SCAP: variants seen among roughly 807,000 people sequenced by gnomAD.
SCAP encodes the protein sterol regulatory element-binding protein cleavage-activating protein.
SCAP carries 65 observed loss-of-function variants against 123.6 expected under a neutral mutation model. That is an observed-to-expected ratio of 0.53 (90% CI 0.43 to 0.65). The LOEUF (loss-of-function observed/expected upper bound fraction) is 0.65. Among genes scored for constraint, SCAP ranks in the 30% least tolerant of loss-of-function variants. The pLI, the probability that SCAP is intolerant of heterozygous loss-of-function variation, is 0.00. For synonymous variants in SCAP, 740 were observed against 726.3 expected (o/e 1.02, Z -0.30); for missense variants, 1,398 against 1,712.5 (o/e 0.82, Z 3.24).
intron 1 of SCAP, among the ~76,000 whole-genome samples, chr3:47,466,858 C>G (rs141274204): frequency 6.6e-6 from 1 of 152,030 alleles, no homozygotes; most frequent in Non-Finnish European, 1.5e-5. Flanking sequence ...CCAAGGCAAG[C>G]GGACTGCTTG....
chr3:47,417,445 G>C lies in SCAP; in HGVS notation c.2829C>G (p.Ser943=). 1 of 1,553,654 alleles carries C rather than the reference G, an allele frequency of 6.4e-7. No individual in the cohort carries two copies. Among genetic ancestry groups the C allele is most frequent in the Non-Finnish European group, 8.7e-7 (1 of 1,149,524 alleles). ...AGCCACCCTCGTCCTCAGGGGCCTG[G>C]GACAGCACCGGCCCAGGCGAGGGTG... ...LRPPSPGPVL[S]QAPEDEGGSP... Residue 943 remains serine, a synonymous_variant, in exon 17 of 23, where the codon TCC becomes TCG. Transcript: ENST00000265565.
At position 47,415,005 on chromosome 3, in the gene SCAP, A is replaced by T; in HGVS notation, c.3140-12T>A. The T allele has an allele frequency of 6.3e-7, 1 of 1,581,290 alleles. No individual in the cohort carries two copies. The highest frequency in any genetic ancestry group is 2.2e-5 in the East Asian group (1 of 44,580). On this transcript the variant is annotated splice_polypyrimidine_tract_variant and intron_variant, in intron 19 of 22. Transcript: ENST00000265565. ...CCGCCCTGGGGTCCCTGAGGACAAAAGGCCAAGTGAAGAATCTCTGAGAAA... is the reference window on the plus strand; with the variant it reads ...CCGCCCTGGGGTCCCTGAGGACAAATGGCCAAGTGAAGAATCTCTGAGAAA...
chr3:47,472,313 A>G (rs1708055390), intron 1 of SCAP, among the ~76,000 whole-genome samples: 1 of 150,936 alleles, frequency 6.6e-6, no homozygotes, highest in South Asian at 2.1e-4. Context: ...GGGCGCCTGT[A>G]GTCCCAGCTA....
At chr3:47,446,992 G>C (rs1178798580) in intron 1 of SCAP, among the ~76,000 whole-genome samples, 1 of 152,152 alleles carries the variant, frequency 6.6e-6, no homozygotes, top group Non-Finnish European at 1.5e-5. Flanking sequence ...TTTTAGATAA[G>C]GTGTGAGATA....
intron 10 of SCAP, chr3:47,421,495 G>A (rs920756852): frequency 5.9e-6 from 1 of 169,628 alleles, no homozygotes; most frequent in Non-Finnish European, 1.3e-5. Flanking sequence ...GAGAGAGAGG[G>A]ATTAATTCTC....
Position 47,419,976 on chromosome 3 carries a change from G to C in SCAP, c.1564-272C>G, listed in dbSNP as rs1705817566. ...CTGAAGCACCCTGAGGTTTGACACA[G>C]AATGTCCCCACCCCTAAGCTCCACC... On this transcript the variant is annotated intron_variant, in intron 12 of 22. Transcript: ENST00000265565. This position sits in a 1 kb window ranked among gnomAD's most constrained non-coding sequence, Gnocchi z 5.0. Among the ~76,000 whole-genome samples the C allele has an allele frequency of 6.6e-6, 1 of 152,200 alleles. No individual in the cohort carries two copies. Among genetic ancestry groups the C allele is most frequent in the African/African-American group, 2.4e-5 (1 of 41,450 alleles).
chr3:47,475,157 C>T (rs1708216617), intron 1 of SCAP, among the ~76,000 whole-genome samples: 1 of 151,958 alleles, frequency 6.6e-6, no homozygotes, highest in Non-Finnish European at 1.5e-5. Flanking sequence ...CACAGCGACT[C>T]ACTGCCCCCC....
At chr3:47,440,942 G>A (rs978891659) in intron 2 of SCAP, among the ~76,000 whole-genome samples, 7 of 150,530 alleles carry the variant, frequency 4.7e-5, no homozygotes, top group East Asian at 3.9e-4. Flanking sequence ...TCACTCTTTC[G>A]CCAGGCTAGA....
intron 2 of SCAP, among the ~76,000 whole-genome samples, chr3:47,438,580 G>A (rs192002756): frequency 2.6e-5 from 4 of 152,268 alleles, no homozygotes; most frequent in East Asian, 3.9e-4. Context: ...TTGGGAGGCC[G>A]AGGTGGGTGG....
In SCAP at chr3:47,417,421, G is replaced by A. The variant is rs1461835541; in HGVS notation, c.2853C>T (p.Gly951=). ...GGGAAGGGGAGCCTTTCTCGGGGGA[G>A]CCACCCTCGTCCTCAGGGGCCTGGG... is the stretch of plus-strand genomic sequence containing the variant. ...VLSQAPEDEG[G]SPEKGSPSLA... The change falls in exon 17 of 23, where the codon GGC becomes GGT. Residue 951 remains glycine, a synonymous_variant. Coordinates refer to ENST00000265565, the MANE Select transcript of SCAP (RefSeq NM_012235.4). 1 of 1,565,720 alleles carries A rather than the reference G, an allele frequency of 6.4e-7. No homozygotes were observed. The highest frequency in any genetic ancestry group is 1.2e-5 in the South Asian group (1 of 85,740).
At chr3:47,432,854 T>A (rs143838773) in intron 3 of SCAP, among the ~76,000 whole-genome samples, 3 of 152,182 alleles carry the variant, frequency 2.0e-5, no homozygotes, top group African/African-American at 7.2e-5. Context: ...TTGGAAACCA[T>A]CCTCTCTCAT....
chr3:47,457,653 A>G (rs925702716), intron 1 of SCAP, among the ~76,000 whole-genome samples: 15 of 152,276 alleles, frequency 9.9e-5, no homozygotes, highest in African/African-American at 3.4e-4. Flanking sequence ...CACGTCTATA[A>G]TCCCAGCACT....
At position 47,417,678 on chromosome 3, in the gene SCAP, G is replaced by C. The variant is rs759401951; in HGVS notation, c.2596C>G (p.Leu866Val). 9 of 1,608,842 alleles carry C rather than the reference G, an allele frequency of 5.6e-6. No individual in the cohort carries two copies. Among genetic ancestry groups the C allele is most frequent in the Non-Finnish European group, 7.6e-6 (9 of 1,178,740 alleles). ...HRPRGPPPPS[L>V]FGDQPDLTCL... ...GTGAGGTCAGGCTGGTCCCCGAAGAGGGAAGGCGGCGGAGGGCCCCGGGGG... is the reference window on the plus strand; with the variant it reads ...GTGAGGTCAGGCTGGTCCCCGAAGACGGAAGGCGGCGGAGGGCCCCGGGGG... Residue 866 changes from leucine to valine, a missense_variant, in exon 17 of 23, where the codon CTC becomes GTC. Physicochemically the swap from Leu to Val is conservative, Grantham distance 32. Coordinates refer to ENST00000265565, the MANE Select transcript of SCAP (RefSeq NM_012235.4).
intron 1 of SCAP, among the ~76,000 whole-genome samples, chr3:47,443,726 C>T (rs1160929896): frequency 6.6e-6 from 1 of 152,170 alleles, no homozygotes; most frequent in African/African-American, 2.4e-5. Context: ...AGGCAGAGAG[C>T]AGCTCCTGTT....
chr3:47,431,953 A>C (rs1706375213), intron 3 of SCAP, among the ~76,000 whole-genome samples: 1 of 152,210 alleles, frequency 6.6e-6, no homozygotes, highest in South Asian at 2.1e-4. Context: ...ATATGGACTC[A>C]GGAATGGACT....
intron 2 of SCAP, 49 bp from the exon 3 acceptor site, chr3:47,435,186 C>T: frequency 1.3e-6 from 2 of 1,564,108 alleles, no homozygotes; most frequent in Non-Finnish European, 1.7e-6. Flanking sequence ...GAGAGGCAGT[C>T]CTCTCTCAGC....
chr3:47,420,822 TCG>T lies in SCAP; in HGVS notation c.1345-52_1345-51del. ...CCTGAGTCCACCATCCAGAGGCTGCTCGCACAGGACCGCTGTCCTGCCCGAGG... is the reference window on the plus strand; with the variant it reads ...CCTGAGTCCACCATCCAGAGGCTGCTCACAGGACCGCTGTCCTGCCCGAGG... On this transcript the variant is annotated intron_variant, in intron 11 of 22. Transcript: ENST00000265565. The surrounding 1 kb of genome is among the most constrained non-coding windows in gnomAD (Gnocchi z 5.0). 1 of 1,593,576 alleles carries T rather than the reference TCG, an allele frequency of 6.3e-7. No homozygotes were observed. The highest frequency in any genetic ancestry group is 8.6e-7 in the Non-Finnish European group (1 of 1,165,016).
intron 2 of SCAP, among the ~76,000 whole-genome samples, chr3:47,435,517 C>G (rs988921036): frequency 7.8e-5 from 11 of 140,896 alleles, no homozygotes; most frequent in South Asian, 2.3e-4. Flanking sequence ...CACACACACA[C>G]AGATAGATAG....
intron 2 of SCAP, among the ~76,000 whole-genome samples, chr3:47,437,952 C>G (rs951984808): frequency 1.3e-5 from 2 of 152,060 alleles, no homozygotes; most frequent in African/African-American, 4.8e-5. Flanking sequence ...AGCGGTTGTA[C>G]AAATTTATGT....
Sources: allele counts gnomAD v4.1 joint callset (sites outside exome capture counted in the v4.1 genomes callset), GRCh38; gene constraint gnomAD v4.1.1; non-coding constraint Gnocchi (gnomAD v3.1); transcripts MANE v1.5; gene names NCBI Gene and HGNC (gene_info 2026-07-23, HGNC 2026-07-21).